Variants in ZMYND12 observed in about 807,000 individuals in gnomAD.
ZMYND12 encodes the protein zinc finger MYND-type containing 12, also known as zinc finger MYND domain-containing protein 12.
Under a neutral mutation model 41.7 loss-of-function variants are expected in ZMYND12, and 32 were observed. That is an observed-to-expected ratio of 0.77 (90% CI 0.58 to 1.03). The LOEUF (loss-of-function observed/expected upper bound fraction) is 1.03. ZMYND12 is among the 50% of genes least tolerant of loss of function. The pLI is 0.00. For missense variants in ZMYND12, 424 were observed against 438.5 expected, an observed-to-expected ratio of 0.97 and a Z score of 0.30; for synonymous variants, 148 against 164.8, an observed-to-expected ratio of 0.90 and a Z score of 0.78.
intron 6 of ZMYND12, 122 bp downstream of exon 6, chr1:42,435,152 A>G (rs994465221): frequency 4.1e-6 from 3 of 736,204 alleles, no homozygotes; most frequent in African/African-American, 1.8e-5. Context: ...CATCAGCAAC[A>G]TGGGGAAGGT....
chr1:42,451,479 G>A (rs1643082621), intron 1 of ZMYND12, among the ~76,000 whole-genome samples: 1 of 152,172 alleles, frequency 6.6e-6, no homozygotes, highest in Admixed American at 6.5e-5. Context: ...GGAGGGATCA[G>A]AAAAGCTTTT....
chr1:42,430,854 T>C lies in ZMYND12; in HGVS notation c.980A>G (p.Gln327Arg), dbSNP rs1283845884. 6.2e-7 allele frequency: 1 copy of C among 1,613,834 alleles called. No homozygotes were observed. Among genetic ancestry groups the C allele is most frequent in the African/African-American group, 1.3e-5 (1 of 74,930 alleles). The change falls in exon 8 of 8, where the codon CAG (glutamine) becomes CGG (arginine). Residue 327 changes from glutamine to arginine, a missense_variant. By Grantham distance (43) the Gln-to-Arg change is conservative. Transcript: ENST00000372565. The part of the protein sequence containing the change: ...YYLMMNSSKA[Q>R]EYGMRALSLA... ...ACTGAGGGCCCTCATGCCATATTCC[T>C]GTGCCTGAAATAGAATTGCAGTGAC... is the stretch of plus-strand genomic sequence containing the variant.
At chr1:42,436,194 T>C (rs576020659) in intron 5 of ZMYND12, among the ~76,000 whole-genome samples, 1 of 152,332 alleles carries the variant, frequency 6.6e-6, no homozygotes, top group South Asian at 2.1e-4. Context: ...TCATTATTCG[T>C]TAATCACCCT....
At chr1:42,437,731 G>A (rs1642923384) in intron 4 of ZMYND12, among the ~76,000 whole-genome samples, 1 of 151,578 alleles carries the variant, frequency 6.6e-6, no homozygotes, top group South Asian at 2.1e-4. Flanking sequence ...GCCCAGGCTG[G>A]AGTGCAGTGG....
At chr1:42,445,081 T>TA (rs1305317809) in intron 3 of ZMYND12, among the ~76,000 whole-genome samples, 1 of 151,136 alleles carries the variant, frequency 6.6e-6, no homozygotes, top group African/African-American at 2.4e-5. Context: ...GTGCTGGGAT[T>TA]ACAGGTGTGA....
intron 3 of ZMYND12, among the ~76,000 whole-genome samples, chr1:42,444,763 A>G (rs1643004418): frequency 2.0e-5 from 3 of 151,126 alleles, no homozygotes; most frequent in Admixed American, 2.0e-4. Flanking sequence ...AATGAATACA[A>G]TTATTAATGG....
intron 6 of ZMYND12, 53 bp downstream of exon 6, chr1:42,435,221 G>A: frequency 2.2e-6 from 3 of 1,351,288 alleles, no homozygotes; most frequent in Non-Finnish European, 3.2e-6. Flanking sequence ...CAAGGTCTGT[G>A]TATTGGGTGA....
At chr1:42,447,173 C>T (rs375405034) in intron 3 of ZMYND12, among the ~76,000 whole-genome samples, 97 of 152,158 alleles carry the variant, frequency 6.4e-4, no homozygotes, top group African/African-American at 2.1e-3. Context: ...GACTGGCAGA[C>T]GCCATCCTAA....
At chr1:42,444,422 G>A (rs1484016135) in intron 3 of ZMYND12, among the ~76,000 whole-genome samples, 2 of 152,158 alleles carry the variant, frequency 1.3e-5, no homozygotes, top group East Asian at 1.9e-4. Context: ...TTCCAGAAAC[G>A]TTAGCAAGGT....
chr1:42,440,246 A>C (rs1034086955), intron 3 of ZMYND12, among the ~76,000 whole-genome samples: 1 of 151,824 alleles, frequency 6.6e-6, no homozygotes, highest in African/African-American at 2.4e-5. Flanking sequence ...GGATGAACAA[A>C]AGGAGGCATC....
At chr1:42,432,824 A>C in intron 7 of ZMYND12, 1 of 259,938 alleles carries the variant, frequency 3.8e-6, no homozygotes. Flanking sequence ...GGAACTCAGT[A>C]ACTGAGTGGA....
At chr1:42,437,918 C>T (rs1392224881) in intron 4 of ZMYND12, among the ~76,000 whole-genome samples, 9 of 152,188 alleles carry the variant, frequency 5.9e-5, no homozygotes, top group South Asian at 4.1e-4. Context: ...TCTGGTGATC[C>T]GCCCATCTCG....
At position 42,444,957 on chromosome 1, in the gene ZMYND12, G is replaced by A. The variant is rs146611866; in HGVS notation, c.424+3510C>T. Among the ~76,000 whole-genome samples the A allele has an allele frequency of 6.1e-3, 919 of 151,316 alleles. 6 individuals carry two copies. Among genetic ancestry groups the A allele is most frequent in the African/African-American group, 0.021 (855 of 41,366 alleles). On this transcript the variant is annotated intron_variant, in intron 3 of 7. Coordinates refer to ENST00000372565, the MANE Select transcript of ZMYND12 (RefSeq NM_032257.5). ...AGAGTAGTTGGGACTACAGGCACCC[G>A]CCACCACGCCCGGCTAATTTTTTTG...
At chr1:42,455,837 G>C in intron 1 of ZMYND12, 51 bp downstream of exon 1, 5 of 1,406,048 alleles carry the variant, frequency 3.6e-6, no homozygotes, top group Non-Finnish European at 4.9e-6. Context: ...ACCCGGGAAA[G>C]GGAGAGAGGG....
rs1038436041 is a variant in ZMYND12, at chr1:42,432,289, G to A, written c.975+854C>T. ...GTTGCCCAGGCTGGTCTTGAACTCC[G>A]GGACATAAGCAATCATCCCTCCTCA... On this transcript the variant is annotated intron_variant, in intron 7 of 7. Coordinates refer to ENST00000372565, the MANE Select transcript of ZMYND12 (RefSeq NM_032257.5). Among the ~76,000 whole-genome samples, 11 of 151,812 alleles carry A rather than the reference G, an allele frequency of 7.2e-5. No individual in the cohort carries two copies. The South Asian group carries it at 8.3e-4, about 11-fold the overall frequency.
At chr1:42,450,785 G>A (rs908344854) in intron 1 of ZMYND12, among the ~76,000 whole-genome samples, 2 of 152,042 alleles carry the variant, frequency 1.3e-5, no homozygotes, top group African/African-American at 4.8e-5. Context: ...TTAGTATGTT[G>A]TTTTTGTTTT....
intron 5 of ZMYND12, among the ~76,000 whole-genome samples, chr1:42,436,208 G>A (rs963312329): frequency 1.3e-5 from 2 of 152,164 alleles, no homozygotes; most frequent in Admixed American, 1.3e-4. Context: ...TCACCCTACG[G>A]ATGTTAAGGG....
chr1:42,443,714 T>C (rs1256829904), intron 3 of ZMYND12, among the ~76,000 whole-genome samples: 1 of 152,174 alleles, frequency 6.6e-6, no homozygotes, highest in East Asian at 1.9e-4. Context: ...AATCATCAGA[T>C]GAGGAATTTG....
intron 4 of ZMYND12, among the ~76,000 whole-genome samples, chr1:42,437,713 A>T (rs1425682267): frequency 7.9e-6 from 1 of 126,470 alleles, no homozygotes; most frequent in African/African-American, 3.1e-5. Flanking sequence ...ACTGAGTCTC[A>T]CTCTGTCGCC....
Sources: allele counts gnomAD v4.1 joint callset (sites outside exome capture counted in the v4.1 genomes callset), GRCh38; gene constraint gnomAD v4.1.1; transcripts MANE v1.5; gene names NCBI Gene and HGNC (gene_info 2026-07-23, HGNC 2026-07-21).